The following S100Z variants were observed in gnomAD, a reference collection of about 807,000 sequenced individuals.
The protein encoded by S100Z is protein S100-Z.
Under a neutral mutation model 8.5 loss-of-function variants are expected in S100Z, and 11 were observed. The ratio of observed to expected loss-of-function variants is 1.30; its 90% CI spans 0.82 to 2.15. The LOEUF is 2.15. Among genes scored for constraint, S100Z ranks in the 30% most tolerant of loss-of-function variants. The probability of loss-of-function intolerance (pLI) is 0.00; values close to 1 mark genes in which losing one functional copy is unlikely to be tolerated. For missense variants in S100Z, 126 were observed against 117.9 expected, an observed-to-expected ratio of 1.07 and a Z score of -0.32; for synonymous variants, 34 against 43.8, an observed-to-expected ratio of 0.78 and a Z score of 0.89.
chr5:76,915,132 C>T (rs1271553192), intron 4 of S100Z, among the ~76,000 whole-genome samples: 2 of 151,800 alleles, frequency 1.3e-5, no homozygotes, highest in Non-Finnish European at 2.9e-5. Flanking sequence ...AGTGAAACCC[C>T]GTCTCTACTG....
intron 1 of S100Z, among the ~76,000 whole-genome samples, chr5:76,859,617 C>A (rs1488069558): frequency 6.6e-6 from 1 of 151,734 alleles, no homozygotes; most frequent in Non-Finnish European, 1.5e-5. Context: ...CCCATCTCTA[C>A]TCAAAATACA....
intron 1 of S100Z, among the ~76,000 whole-genome samples, chr5:76,861,953 A>G (rs1180721838): frequency 6.6e-6 from 1 of 151,586 alleles, no homozygotes; most frequent in African/African-American, 2.4e-5. Flanking sequence ...TTCCTTTAAC[A>G]TTGTTTAAGT....
chr5:76,856,534 G>A (rs1487431582), intron 1 of S100Z, among the ~76,000 whole-genome samples: 4 of 152,190 alleles, frequency 2.6e-5, no homozygotes, highest in Admixed American at 6.5e-5. Flanking sequence ...CGAGTCTCAG[G>A]TATTTCTTTA....
chr5:76,941,943 TC>T, the S100Z span, among the ~76,000 whole-genome samples: 1 of 152,208 alleles, frequency 6.6e-6, no homozygotes, highest in Admixed American at 6.5e-5. Context: ...TGGTTTATAA[TC>T]CAATATTACT....
intron 1 of S100Z, among the ~76,000 whole-genome samples, chr5:76,851,223 C>T (rs1328931771): frequency 1.3e-5 from 2 of 152,116 alleles, no homozygotes; most frequent in Non-Finnish European, 2.9e-5. Flanking sequence ...GGCAGTGCCA[C>T]GTGTGCGGCA....
At chr5:76,883,064 A>T (rs966150832) in intron 4 of S100Z, among the ~76,000 whole-genome samples, 2 of 152,190 alleles carry the variant, frequency 1.3e-5, no homozygotes, top group African/African-American at 2.4e-5. Flanking sequence ...CAGGCTTTAA[A>T]AGGCCATGCT....
At chr5:76,865,724 G>A (rs12653515) in intron 1 of S100Z, among the ~76,000 whole-genome samples, 98,416 of 151,644 alleles carry the variant, frequency 0.65, 32,485 homozygotes, top group African/African-American at 0.77. Flanking sequence ...TATAAAGCTA[G>A]AATGTTGGCT....
At chr5:76,856,534 G>C (rs1487431582) in intron 1 of S100Z, among the ~76,000 whole-genome samples, 1 of 152,190 alleles carries the variant, frequency 6.6e-6, no homozygotes, top group African/African-American at 2.4e-5. Flanking sequence ...CGAGTCTCAG[G>C]TATTTCTTTA....
At chr5:76,915,427 C>A (rs1053487109) in intron 4 of S100Z, among the ~76,000 whole-genome samples, 6 of 151,390 alleles carry the variant, frequency 4.0e-5, no homozygotes, top group African/African-American at 7.3e-5. Flanking sequence ...CATGGTGAAA[C>A]CCCCTCTCCA....
At chr5:76,908,047 C>T (rs1174028428) in intron 4 of S100Z, among the ~76,000 whole-genome samples, 1 of 152,100 alleles carries the variant, frequency 6.6e-6, no homozygotes, top group Admixed American at 6.6e-5. Flanking sequence ...GGGAAGACTA[C>T]CTGACCCTGG....
chr5:76,875,251 A>G, intron 2 of S100Z, 53 bp from the exon 3 acceptor site: 3 of 977,674 alleles, frequency 3.1e-6, no homozygotes, highest in Non-Finnish European at 4.4e-6. Flanking sequence ...GGATTGTAAT[A>G]TTCTGTTTTA....
chr5:76,853,893 G>A (rs750656103), intron 1 of S100Z, among the ~76,000 whole-genome samples: 35 of 152,088 alleles, frequency 2.3e-4, no homozygotes, highest in Non-Finnish European at 4.4e-4. Flanking sequence ...GAATGGGTTA[G>A]CACCATCCCC....
the S100Z span, among the ~76,000 whole-genome samples, chr5:76,938,797 T>C: frequency 1.3e-5 from 2 of 152,202 alleles, no homozygotes; most frequent in African/African-American, 4.8e-5. Flanking sequence ...CATGTAGATA[T>C]TAAGTTGTTC....
At chr5:76,931,867 A>G in the S100Z span, among the ~76,000 whole-genome samples, 1 of 152,158 alleles carries the variant, frequency 6.6e-6, no homozygotes, top group African/African-American at 2.4e-5. Flanking sequence ...ATGTCCATAT[A>G]TACACATTCA....
rs529238162 is a variant in S100Z, at chr5:76,865,704, T to A, written c.-175-4462T>A. Among the ~76,000 whole-genome samples the A allele has an allele frequency of 4.6e-5, 7 of 152,002 alleles. No individual in the cohort carries two copies. The South Asian group carries it at 1.2e-3, about 27-fold the overall frequency. ...CAAAAGTGTCAAAAAGTTTAAAAAA[T>A]TTAAAAGCTTATAAAGCTAGAATGT... is the stretch of plus-strand genomic sequence containing the variant. On this transcript the variant is annotated intron_variant, in intron 1 of 4. Transcript: ENST00000317593.
chr5:76,861,620 T>C (rs2150624780), intron 1 of S100Z, among the ~76,000 whole-genome samples: 1 of 152,312 alleles, frequency 6.6e-6, no homozygotes, highest in East Asian at 1.9e-4. Flanking sequence ...ATTACAGGCG[T>C]GAGCCACTGT....
chr5:76,931,563 G>A, the S100Z span, among the ~76,000 whole-genome samples: 1 of 152,124 alleles, frequency 6.6e-6, no homozygotes, highest in African/African-American at 2.4e-5. Flanking sequence ...AGTGGGGAGG[G>A]GCACAGACAT....
At chr5:76,941,619 C>T in the S100Z span, among the ~76,000 whole-genome samples, 19 of 152,206 alleles carry the variant, frequency 1.2e-4, no homozygotes, top group Admixed American at 4.6e-4. Context: ...AGGGTGGATA[C>T]TACCAATGTG....
At chr5:76,932,368 T>C in the S100Z span, among the ~76,000 whole-genome samples, 1 of 152,202 alleles carries the variant, frequency 6.6e-6, no homozygotes. Flanking sequence ...TTTTTTCTTT[T>C]TGAGACAGGG....
Sources: gnomAD v4.1 joint callset for allele counts (sites outside exome capture counted in the v4.1 genomes callset) on GRCh38, gnomAD v4.1.1 for gene constraint, MANE v1.5 for transcripts, NCBI Gene and HGNC (gene_info 2026-07-23, HGNC 2026-07-21) for gene names.